Variants in TEX29 observed in about 807,000 individuals in gnomAD.
TEX29 encodes testis-expressed protein 29.
TEX29 carries 26 observed loss-of-function variants against 18.2 expected under a neutral mutation model. That is an observed-to-expected ratio of 1.43 (90% CI 1.04 to 1.98). The LOEUF (loss-of-function observed/expected upper bound fraction) is 1.98. TEX29 is among the 30% of genes most tolerant of loss of function. The probability of loss-of-function intolerance (pLI) is 0.00; values close to 1 mark genes in which losing one functional copy is unlikely to be tolerated. For synonymous variants in TEX29, 83 were observed against 78.5 expected (o/e 1.06, Z -0.31); for missense variants, 177 against 194.2 (o/e 0.91, Z 0.53).
intron 2 of TEX29, among the ~76,000 whole-genome samples, chr13:111,327,141 G>A (rs1398004074): frequency 6.6e-6 from 1 of 152,244 alleles, no homozygotes; most frequent in Non-Finnish European, 1.5e-5. Flanking sequence ...GAGGGTGGCA[G>A]CAGCCGGTGA....
intron 3 of TEX29, among the ~76,000 whole-genome samples, chr13:111,337,723 C>T (rs1040917473): frequency 2.6e-5 from 4 of 152,074 alleles, no homozygotes; most frequent in Admixed American, 2.6e-4. Context: ...TTCCACGGGA[C>T]AGTCCTCACT....
intron 5 of TEX29, among the ~76,000 whole-genome samples, chr13:111,343,499 A>T (rs530124149): frequency 6.6e-6 from 1 of 152,240 alleles, no homozygotes; most frequent in East Asian, 1.9e-4. Flanking sequence ...GAGGTGGACG[A>T]TCACTCTATG....
Position 111,339,231 on chromosome 13 carries a change from T to C in TEX29, c.170-632T>C, listed in dbSNP as rs1370804131. Reference sequence around the variant, plus strand: ...ACTTGGGGATTGCAGGAACCCCTTTTAATACAAGGAAGCCCAGTCAAGGAT... The same window carrying C: ...ACTTGGGGATTGCAGGAACCCCTTTCAATACAAGGAAGCCCAGTCAAGGAT... On this transcript the variant is annotated intron_variant, in intron 3 of 5. Transcript: ENST00000283547. The C allele has an allele frequency of 6.6e-6, 3 of 455,270 alleles. No homozygotes were observed. In the Admixed American group the frequency reaches 7.0e-5, roughly 11 times the overall value. The allele number at this position is 455,270 out of a possible 1,614,324, so 28.2% of individuals were successfully genotyped here. A position where few individuals can be genotyped will look rare whatever the true frequency, so the allele number is the denominator to read the frequency against.
upstream of TEX29, among the ~76,000 whole-genome samples, chr13:111,316,509 G>C (rs550601135): frequency 6.6e-6 from 1 of 152,378 alleles, no homozygotes; most frequent in African/African-American, 2.4e-5. Context: ...GAAAGTGCCA[G>C]TTATTTCCAA....
intron 3 of TEX29, chr13:111,339,370 A>G (rs2093693859): frequency 1.1e-5 from 5 of 455,162 alleles, no homozygotes; most frequent in South Asian, 4.7e-5. Flanking sequence ...CAGAGGGGCC[A>G]GCGCCATCTC....
intron 3 of TEX29, among the ~76,000 whole-genome samples, chr13:111,333,723 A>G (rs372142584): frequency 2.6e-5 from 4 of 152,080 alleles, no homozygotes; most frequent in East Asian, 3.9e-4. Flanking sequence ...GAAACTTACA[A>G]TCATGCCAGA....
At chr13:111,339,993 C>T in intron 4 of TEX29, 61 bp downstream of exon 4, 1 of 1,516,398 alleles carries the variant, frequency 6.6e-7, no homozygotes, top group Non-Finnish European at 9.2e-7. Context: ...CTCCTGGCCG[C>T]AGCTTCCTGC....
chr13:111,334,695 T>G (rs1368590329), intron 3 of TEX29, among the ~76,000 whole-genome samples: 1 of 152,242 alleles, frequency 6.6e-6, no homozygotes, highest in African/African-American at 2.4e-5. Context: ...AACCAACACT[T>G]TAGCCAGTAA....
intron 2 of TEX29, among the ~76,000 whole-genome samples, chr13:111,326,371 G>A (rs2093673313): frequency 6.6e-6 from 1 of 150,678 alleles, no homozygotes; most frequent in Non-Finnish European, 1.5e-5. Context: ...CTGGTGGGGT[G>A]GAGGAGACCG....
At chr13:111,336,178 C>G (rs1490974205) in intron 3 of TEX29, among the ~76,000 whole-genome samples, 1 of 152,208 alleles carries the variant, frequency 6.6e-6, no homozygotes, top group African/African-American at 2.4e-5. Context: ...TTCCATCATT[C>G]TAACTTTAAC....
intron 3 of TEX29, among the ~76,000 whole-genome samples, chr13:111,333,921 G>T (rs974658677): frequency 6.6e-6 from 1 of 152,212 alleles, no homozygotes; most frequent in Non-Finnish European, 1.5e-5. Context: ...TACAATTCGA[G>T]ATGAGATTTG....
intron 3 of TEX29, among the ~76,000 whole-genome samples, chr13:111,332,282 G>A (rs991968948): frequency 5.3e-5 from 8 of 151,900 alleles, no homozygotes; most frequent in Non-Finnish European, 8.8e-5. Flanking sequence ...TTATTCCAAA[G>A]TATTTTACTG....
At position 111,320,958 on chromosome 13, in the gene TEX29, G is replaced by C; in HGVS notation, c.58+10G>C. 1 of 1,378,326 alleles carries C rather than the reference G, an allele frequency of 7.3e-7. No individual in the cohort carries two copies. The highest frequency in any genetic ancestry group is 1.2e-5 in the South Asian group (1 of 85,858). The allele number at this position is 1,378,326 out of a possible 1,614,324, so 85.4% of individuals were successfully genotyped here. A position where few individuals can be genotyped will look rare whatever the true frequency, so the allele number is the denominator to read the frequency against. On this transcript the variant is annotated intron_variant, in intron 2 of 5. Coordinates refer to ENST00000283547, the MANE Select transcript of TEX29 (RefSeq NM_152324.3). ...CTGAAGCAATTCACAGGTATGGAGGGAAGGCGCCAGGGGGGCGGGTGGGGT... is the reference window on the plus strand; with the variant it reads ...CTGAAGCAATTCACAGGTATGGAGGCAAGGCGCCAGGGGGGCGGGTGGGGT...
At chr13:111,326,774 G>C (rs1388079974) in intron 2 of TEX29, among the ~76,000 whole-genome samples, 4 of 152,162 alleles carry the variant, frequency 2.6e-5, no homozygotes, top group Non-Finnish European at 5.9e-5. Context: ...TGCAGCTGCT[G>C]TCATCACCTG....
intron 2 of TEX29, among the ~76,000 whole-genome samples, chr13:111,323,180 C>G (rs902444193): frequency 1.3e-5 from 2 of 152,250 alleles, no homozygotes. Context: ...CATGTCCACA[C>G]TCACTCATCC....
chr13:111,335,797 C>A (rs561089108), intron 3 of TEX29, among the ~76,000 whole-genome samples: 47 of 152,308 alleles, frequency 3.1e-4, no homozygotes, highest in African/African-American at 9.6e-4. Context: ...AGAGATCCAA[C>A]CGTGTAAAGT....
chr13:111,344,066 C>G lies in TEX29; in HGVS notation c.416-17C>G, dbSNP rs997603035. The G allele has an allele frequency of 1.2e-6, 2 of 1,606,200 alleles. No homozygotes were observed. The highest frequency in any genetic ancestry group is 1.7e-6 in the Non-Finnish European group (2 of 1,173,796). On this transcript the variant is annotated splice_polypyrimidine_tract_variant and intron_variant, in intron 5 of 5. Transcript: ENST00000283547. ...TATTCCATTTGAAAAAACAATTCTT[C>G]TTTTCTAAAAATCTAGTAACAGGGA...
At chr13:111,317,282 G>T (rs10851261), upstream of TEX29, among the ~76,000 whole-genome samples, 26,324 of 152,090 alleles carry the variant, frequency 0.17, 3,642 homozygotes, top group East Asian at 0.75. Context: ...GTAGGGGTGA[G>T]GGTCTGCCTG....
intron 3 of TEX29, among the ~76,000 whole-genome samples, chr13:111,333,118 G>C (rs2093684916): frequency 6.6e-6 from 1 of 152,288 alleles, no homozygotes; most frequent in Admixed American, 6.5e-5. Flanking sequence ...AGGCTCCTTT[G>C]TATATAATGT....
Sources: allele counts gnomAD v4.1 joint callset (sites outside exome capture counted in the v4.1 genomes callset), GRCh38; gene constraint gnomAD v4.1.1; transcripts MANE v1.5; gene names NCBI Gene and HGNC (gene_info 2026-07-23, HGNC 2026-07-21).